Variants in ALDH1A1 observed in about 807,000 individuals in gnomAD.
The protein encoded by ALDH1A1 is aldehyde dehydrogenase 1 family member A1.
Under a neutral mutation model 62.1 loss-of-function variants are expected in ALDH1A1, and 19 were observed. The ratio of observed to expected loss-of-function variants is 0.31; its 90% CI spans 0.21 to 0.45. The LOEUF is 0.45. Ranked by LOEUF, ALDH1A1 falls within the 20% of genes least tolerant of loss-of-function variation. The pLI, the probability that ALDH1A1 is intolerant of heterozygous loss-of-function variation, is 1.00. For synonymous variants in ALDH1A1, 231 were observed against 215.9 expected, an observed-to-expected ratio of 1.07 and a Z score of -0.61; for missense variants, 521 against 607.1, an observed-to-expected ratio of 0.86 and a Z score of 1.49.
At chr9:72,917,424 T>C (rs916400179) in intron 8 of ALDH1A1, among the ~76,000 whole-genome samples, 8 of 152,238 alleles carry the variant, frequency 5.3e-5, no homozygotes, top group Middle Eastern at 3.4e-3. Context: ...TCCAATTATA[T>C]AATTAGATGA....
chr9:72,925,711 A>C (rs577923942), intron 5 of ALDH1A1, 99 bp from the exon 6 acceptor site: 26 of 1,350,146 alleles, frequency 1.9e-5, no homozygotes, highest in Non-Finnish European at 2.6e-5. Context: ...GTTATGTAAT[A>C]ATTGCGTAGT....
chr9:72,908,456 A>AG (rs373216765), intron 11 of ALDH1A1, among the ~76,000 whole-genome samples: 19,294 of 86,760 alleles, frequency 0.22, 6,015 homozygotes, highest in Non-Finnish European at 0.33. Context: ...AAAAAAAAAA[A>AG]AAAAGAAGAA....
chr9:72,902,052 T>C (rs1439744607), intron 12 of ALDH1A1, among the ~76,000 whole-genome samples: 1 of 152,062 alleles, frequency 6.6e-6, no homozygotes, highest in Admixed American at 6.6e-5. Flanking sequence ...GTTGTTGTTT[T>C]TTCCCCTTTA....
At chr9:72,930,716 G>A (rs1209024361) in intron 3 of ALDH1A1, among the ~76,000 whole-genome samples, 163 bp downstream of exon 3, 1 of 152,148 alleles carries the variant, frequency 6.6e-6, no homozygotes, top group Non-Finnish European at 1.5e-5. Flanking sequence ...ATTACTATTT[G>A]AGAATAGTTC....
intron 10 of ALDH1A1, 150 bp from the exon 11 acceptor site, chr9:72,909,909 A>G: frequency 1.7e-6 from 1 of 600,650 alleles, no homozygotes; most frequent in Non-Finnish European, 2.7e-6. Flanking sequence ...CAAATAGGTA[A>G]CTGCAAAAAT....
intron 1 of ALDH1A1, among the ~76,000 whole-genome samples, chr9:72,943,258 G>A (rs946952033): frequency 1.4e-4 from 21 of 152,016 alleles, no homozygotes; most frequent in African/African-American, 4.3e-4. Flanking sequence ...TCTAGTTCTC[G>A]CCCGAGTCCT....
Position 72,940,768 on chromosome 9 carries a change from T to G in ALDH1A1, c.67-516A>C, listed in dbSNP as rs139821986. 2.0e-3 allele frequency among the ~76,000 whole-genome samples: 300 copies of G among 152,336 alleles called. 1 individual carries two copies. Among genetic ancestry groups the G allele is most frequent in the Admixed American group, 3.0e-3 (46 of 15,302 alleles). On this transcript the variant is annotated intron_variant, in intron 1 of 12. Coordinates refer to ENST00000297785, the MANE Select transcript of ALDH1A1 (RefSeq NM_000689.5). Reference sequence around the variant, plus strand: ...TAGCTAGTCACATTGTTTCATTGGCTTTTTAAAAGCATATGGTTTTATTCT... The same window carrying G: ...TAGCTAGTCACATTGTTTCATTGGCGTTTTAAAAGCATATGGTTTTATTCT...
chr9:72,936,731 T>G (rs1321599027), intron 2 of ALDH1A1, among the ~76,000 whole-genome samples: 2 of 152,152 alleles, frequency 1.3e-5, no homozygotes, highest in Non-Finnish European at 2.9e-5. Context: ...ATGCCCAATT[T>G]TGGTTTGGTA....
intron 5 of ALDH1A1, among the ~76,000 whole-genome samples, chr9:72,925,970 T>C (rs1054676417): frequency 6.6e-6 from 1 of 152,234 alleles, no homozygotes; most frequent in African/African-American, 2.4e-5. Context: ...TCTCCATAAG[T>C]CATTTATTGT....
Position 72,910,824 on chromosome 9 carries a change from A to C in ALDH1A1, c.1201-1065T>G, listed in dbSNP as rs540732904. Among the ~76,000 whole-genome samples the C allele has an allele frequency of 6.6e-5, 10 of 152,260 alleles. No individual in the cohort carries two copies. The South Asian group carries it at 2.1e-3, about 32-fold the overall frequency. ...GTTGAGTGTGAATCTTAACGTTATA[A>C]ATCTAATCCTATTTGAACATAGGAA... On this transcript the variant is annotated intron_variant, in intron 10 of 12. Coordinates refer to ENST00000297785, the MANE Select transcript of ALDH1A1 (RefSeq NM_000689.5).
chr9:72,917,131 A>G (rs1362987587), intron 8 of ALDH1A1, 27 bp from the exon 9 acceptor site: 2 of 1,385,532 alleles, frequency 1.4e-6, no homozygotes, highest in South Asian at 4.3e-5. Context: ...CACATTAAAG[A>G]TATATTTTAT....
rs571181722 is a variant in ALDH1A1, at chr9:72,918,703, A to C, written c.850+17T>G. 6.5e-7 allele frequency: 1 copy of C among 1,527,174 alleles called. No homozygotes were observed. The highest frequency in any genetic ancestry group is 1.8e-5 in the Admixed American group (1 of 54,960). The allele number at this position is 1,527,174 out of a possible 1,614,324, so 94.6% of individuals were successfully genotyped here. ...AACGATGAAGGACGAAAAGTTAACA[A>C]AGTGGTTTCTACTCACAGTCGGCAT... is the stretch of plus-strand genomic sequence containing the variant. On this transcript the variant is annotated intron_variant, in intron 8 of 12. Coordinates refer to ENST00000297785, the MANE Select transcript of ALDH1A1 (RefSeq NM_000689.5).
intron 3 of ALDH1A1, 147 bp from the exon 4 acceptor site, chr9:72,929,168 T>A: frequency 1.1e-6 from 1 of 872,680 alleles, no homozygotes; most frequent in Non-Finnish European, 1.7e-6. Flanking sequence ...TTTTAAGAGT[T>A]AAAATGACTT....
intron 12 of ALDH1A1, among the ~76,000 whole-genome samples, chr9:72,902,128 T>G (rs1273804111): frequency 5.9e-5 from 9 of 151,996 alleles, no homozygotes; most frequent in Non-Finnish European, 1.2e-4. Flanking sequence ...TGATCAGGAA[T>G]TAACTCAGTC....
At chr9:72,913,395 A>G (rs888439651) in intron 9 of ALDH1A1, among the ~76,000 whole-genome samples, 1 of 152,332 alleles carries the variant, frequency 6.6e-6, no homozygotes, top group South Asian at 2.1e-4. Context: ...TATTTAAATT[A>G]CTACATAGGT....
chr9:72,913,925 T>C (rs1325098634), intron 9 of ALDH1A1, among the ~76,000 whole-genome samples: 1 of 152,226 alleles, frequency 6.6e-6, no homozygotes, highest in Non-Finnish European at 1.5e-5. Context: ...TGGTCAGTTT[T>C]GTCTGGCTAA....
chr9:72,937,848 A>G (rs982933044), intron 2 of ALDH1A1, among the ~76,000 whole-genome samples: 1 of 152,234 alleles, frequency 6.6e-6, no homozygotes, highest in Non-Finnish European at 1.5e-5. Context: ...TCTTCAGTAT[A>G]AAGAGTAAAT....
At chr9:72,915,972 G>A (rs921158404) in intron 9 of ALDH1A1, among the ~76,000 whole-genome samples, 4 of 152,122 alleles carry the variant, frequency 2.6e-5, no homozygotes, top group Admixed American at 1.3e-4. Context: ...GAGCCTCTAA[G>A]CTTAATGTCT....
chr9:72,940,943 A>G (rs1032111299), intron 1 of ALDH1A1, among the ~76,000 whole-genome samples: 3 of 152,238 alleles, frequency 2.0e-5, no homozygotes, highest in South Asian at 2.1e-4. Flanking sequence ...ACTATAAAAT[A>G]GAAATACTTA....
Sources: allele counts gnomAD v4.1 joint callset (sites outside exome capture counted in the v4.1 genomes callset), GRCh38; gene constraint gnomAD v4.1.1; transcripts MANE v1.5; gene names NCBI Gene and HGNC (gene_info 2026-07-23, HGNC 2026-07-21).